Variants in KCND1 observed in about 807,000 individuals in gnomAD.
The protein encoded by KCND1 is potassium voltage-gated channel subfamily D member 1.
In KCND1, 11 loss-of-function variants were observed where a neutral mutation model predicts 31.8. That is an observed-to-expected ratio of 0.35 (90% CI 0.22 to 0.57). KCND1 has a LOEUF of 0.57. KCND1 is among the 20% of genes least tolerant of loss of function. The pLI is 0.85. For missense variants in KCND1, 471 were observed against 596.8 expected (o/e 0.79, Z 2.20); for synonymous variants, 234 against 248.1 (o/e 0.94, Z 0.53).
At position 48,962,449 on chromosome X, in the gene KCND1, T is replaced by C. The variant is rs1557057221; in HGVS notation, c.*132A>G. On this transcript the variant is annotated 3_prime_UTR_variant, in exon 6 of 6. Transcript: ENST00000218176. ...CACTATGTGGACCATTTCATGAAAC[T>C]CCATTGCATAGTTCTCAGTGGGGGG... 1.7e-5 allele frequency: 8 copies of C among 459,760 alleles called. No individual in the cohort carries two copies. The South Asian group carries it at 2.6e-4, about 15-fold the overall frequency. 37.9% of individuals were successfully genotyped at this position (459,760 alleles called of 1,213,427 possible). A position where few individuals can be genotyped will look rare whatever the true frequency, so the allele number is the denominator to read the frequency against.
Position 48,961,421 on chromosome X carries a change from T to C in KCND1, c.*1160A>G, listed in dbSNP as rs1275722733. 1 of 112,301 alleles carries C rather than the reference T, an allele frequency of 8.9e-6. No homozygotes were observed. The highest frequency in any genetic ancestry group is 3.2e-5 in the African/African-American group (1 of 30,902). The allele number at this position is 112,301 out of a possible 1,213,427, so 9.3% of individuals were successfully genotyped here. A position where few individuals can be genotyped will look rare whatever the true frequency, so the allele number is the denominator to read the frequency against. On this transcript the variant is annotated 3_prime_UTR_variant, in exon 6 of 6. Coordinates refer to ENST00000218176, the MANE Select transcript of KCND1 (RefSeq NM_004979.6). ...GTTTTATTGACTGATGGAAACTACA[T>C]CTTTGTCAGCCACCAGCTCCATGGG...
chrX:48,964,451 G>C (rs1272680779), intron 5 of KCND1, among the ~76,000 whole-genome samples: 1 of 111,047 alleles, frequency 9.0e-6, no homozygotes, highest in Non-Finnish European at 1.9e-5. Context: ...GGGAGGCGGA[G>C]GTTCCAGTGA....
Position 48,962,315 on chromosome X carries a change from A to C in KCND1, c.*266T>G, listed in dbSNP as rs1418078400. ...CAGCTGGGAGAGTGGGGCCAGTCCC[A>C]GTGTGCTAGGGCAAGGAGGCCAGGG... is the stretch of plus-strand genomic sequence containing the variant. On this transcript the variant is annotated 3_prime_UTR_variant, in exon 6 of 6. Coordinates refer to ENST00000218176, the MANE Select transcript of KCND1 (RefSeq NM_004979.6). 5 of 328,644 alleles carry C rather than the reference A, an allele frequency of 1.5e-5. No individual in the cohort carries two copies. Among genetic ancestry groups the C allele is most frequent in the Non-Finnish European group, 2.7e-5 (5 of 187,959 alleles). The allele number at this position is 328,644 out of a possible 1,213,427, so 27.1% of individuals were successfully genotyped here. A position where few individuals can be genotyped will look rare whatever the true frequency, so the allele number is the denominator to read the frequency against.
rs2064324225 is a variant in KCND1 at position 48,962,236 on chromosome X, G to A, written c.*345C>T. The A allele has an allele frequency of 4.9e-6, 1 of 203,567 alleles. No homozygotes were observed. The highest frequency in any genetic ancestry group is 9.0e-6 in the Non-Finnish European group (1 of 110,805). The allele number at this position is 203,567 out of a possible 1,213,427, so 16.8% of individuals were successfully genotyped here. A position where few individuals can be genotyped will look rare whatever the true frequency, so the allele number is the denominator to read the frequency against. On this transcript the variant is annotated 3_prime_UTR_variant, in exon 6 of 6. Transcript: ENST00000218176. ...CTTCTTAGGCTAGAGCTCAGATGTC[G>A]GATCAAAGCTTTGCCTTCATCTGAG...
intron 1 of KCND1, 123 bp from the exon 2 acceptor site, chrX:48,967,229 T>G: frequency 1.8e-6 from 1 of 570,727 alleles, no homozygotes. Context: ...ACCTTCTGAG[T>G]CCCTCAGTTT....
rs1308699921 is a variant in KCND1, at chrX:48,971,447, G to C, written c.-1176C>G. 1.8e-5 allele frequency: 2 copies of C among 111,775 alleles called. No individual in the cohort carries two copies. The highest frequency in any genetic ancestry group is 3.3e-5 in the African/African-American group (1 of 30,581). The allele number at this position is 111,775 out of a possible 1,213,427, so 9.2% of individuals were successfully genotyped here. A position where few individuals can be genotyped will look rare whatever the true frequency, so the allele number is the denominator to read the frequency against. ...GGGAGAAGGCTGGGTCCCACCGTTG[G>C]GGGCAGGTCTGGGGAAACCACACCC... On this transcript the variant is annotated 5_prime_UTR_variant, in exon 1 of 6. Coordinates refer to ENST00000218176, the MANE Select transcript of KCND1 (RefSeq NM_004979.6).
Position 48,969,760 on chromosome X carries a change from C to T in KCND1, c.512G>A (p.Arg171Gln), listed in dbSNP as rs889056727. ...ALPAGSSLRQ[R>Q]LWRAFENPHT... Reference sequence around the variant, plus strand: ...TGGATTCTCGAAGGCCCGCCAGAGCCGCTGCCGCAGGGAGCTGCCTGCTGG... The same window carrying T: ...TGGATTCTCGAAGGCCCGCCAGAGCTGCTGCCGCAGGGAGCTGCCTGCTGG... The change falls in exon 1 of 6, where the codon CGG (arginine) becomes CAG (glutamine). Residue 171 changes from arginine (R) to glutamine (Q), a missense_variant. Arg to Gln is a conservative substitution (Grantham distance 43). Around this residue, in one of 3 missense-constraint regions of KCND1, gnomAD observed 212 missense variants for 257.9 expected, o/e 0.82. Coordinates refer to ENST00000218176, the MANE Select transcript of KCND1 (RefSeq NM_004979.6). 3.1e-5 allele frequency: 37 copies of T among 1,206,939 alleles called. No homozygotes were observed. Among genetic ancestry groups the T allele is most frequent in the Non-Finnish European group, 3.6e-5 (32 of 893,940 alleles).
In KCND1 at chrX:48,970,569, G is replaced by C. The variant is rs2238977; in HGVS notation, c.-298C>G. On this transcript the variant is annotated 5_prime_UTR_variant, in exon 1 of 6. Transcript: ENST00000218176. ...GGATGGGGCCAAGAAGGAGCTGAGG[G>C]AGGGTTTAGAGAGACTGAGATGATT... 99,990 of 282,678 alleles carry C rather than the reference G, an allele frequency of 0.35. 14,379 individuals carry two copies. The highest frequency in any genetic ancestry group is 0.62 in the East Asian group (9,800 of 15,866). 23.3% of individuals were successfully genotyped at this position (282,678 alleles called of 1,213,427 possible). A position where few individuals can be genotyped will look rare whatever the true frequency, so the allele number is the denominator to read the frequency against.
At chrX:48,962,879 G>A in intron 5 of KCND1, 73 bp from the exon 6 acceptor site, 2 of 896,951 alleles carry the variant, frequency 2.2e-6, no homozygotes, top group Non-Finnish European at 3.2e-6. Flanking sequence ...GCTCATGCCT[G>A]TAATCCCAGC....
In KCND1 at chrX:48,969,934, G is replaced by A; in HGVS notation, c.338C>T (p.Ala113Val). Residue 113 changes from alanine (A) to valine (V), a missense_variant, in exon 1 of 6, where the codon GCC (alanine) becomes GTC (valine). Ala to Val is a moderately conservative substitution (Grantham distance 64). Around this residue, in one of 3 missense-constraint regions of KCND1, gnomAD observed 212 missense variants for 257.9 expected, o/e 0.82. Coordinates refer to ENST00000218176, the MANE Select transcript of KCND1 (RefSeq NM_004979.6). The stretch of plus-strand genomic sequence containing the variant: ...GTAGAAAGCCAGCTCTTCGTCGAAG[G>A]CCTGGATGCACTCCTGCCGTGGGCA... ...LHCPRQECIQ[A>V]FDEELAFYGL... The A allele has an allele frequency of 8.3e-7, 1 of 1,211,044 alleles. No individual in the cohort carries two copies. The highest frequency in any genetic ancestry group is 1.1e-6 in the Non-Finnish European group (1 of 895,008).
At position 48,966,538 on chromosome X, in the gene KCND1, C is replaced by T. The variant is rs1693565244; in HGVS notation, c.1467+40G>A. ...GAGAGCTGGCATGGCCGCAGAGGGA[C>T]CCCCTCTATTCTGCTATATCACCTC... On this transcript the variant is annotated intron_variant, in intron 4 of 5. Coordinates refer to ENST00000218176, the MANE Select transcript of KCND1 (RefSeq NM_004979.6). 7 of 1,125,922 alleles carry T rather than the reference C, an allele frequency of 6.2e-6. No individual in the cohort carries two copies. The South Asian group carries it at 1.1e-4, about 18-fold the overall frequency. The allele number at this position is 1,125,922 out of a possible 1,213,427, so 92.8% of individuals were successfully genotyped here.
At position 48,969,202 on chromosome X, in the gene KCND1, G is replaced by A. The variant is rs1569518632; in HGVS notation, c.1070C>T (p.Thr357Ile). 8.3e-7 allele frequency: 1 copy of A among 1,210,564 alleles called. No homozygotes were observed. The highest frequency in any genetic ancestry group is 1.7e-5 in the African/African-American group (1 of 57,776). The change falls in exon 1 of 6, where the codon ACA (threonine) becomes ATA (isoleucine). Residue 357 changes from threonine to isoleucine, a missense_variant. Thr to Ile is a moderately conservative substitution (Grantham distance 89). This residue lies in a region of KCND1 where 74 missense variants were observed against 154.2 expected (regional missense o/e 0.48). Coordinates refer to ENST00000218176, the MANE Select transcript of KCND1 (RefSeq NM_004979.6). The part of the protein sequence containing the change: ...AEKGTNKTNF[T>I]SIPAAFWYTI... ...ATACCAGAAGGCCGCAGGGATGCTT[G>A]TAAAGTTGGTCTTGTTTGTGCCCTT...
rs782507180 is a variant in KCND1 at position 48,966,198 on chromosome X, G to C, written c.1575C>G (p.Pro525=). The stretch of plus-strand genomic sequence containing the variant: ...GGCAGCAAGAAGACAGCAGGCTTCC[G>C]GGTCCCACTGGCTGGGAAGACACAG... ...STSVSSQPVG[P]GSLLSSCCPR... Residue 525 remains proline (P), a synonymous_variant, in exon 5 of 6, where the codon CCC becomes CCG. Transcript: ENST00000218176. 1.2e-5 allele frequency: 14 copies of C among 1,208,394 alleles called. No individual in the cohort carries two copies. The highest frequency in any genetic ancestry group is 1.8e-5 in the South Asian group (1 of 56,325).
At position 48,966,333 on chromosome X, in the gene KCND1, G is replaced by A. The variant is rs1264308679; in HGVS notation, c.1468-28C>T. ...ATGGGCAGAAGGGAGGCAGGGTCAC[G>A]GGGCATCCCATGGGAGCTGATCCCA... On this transcript the variant is annotated intron_variant, in intron 4 of 5. Transcript: ENST00000218176. 6.0e-6 allele frequency: 7 copies of A among 1,166,345 alleles called. No individual in the cohort carries two copies. The Admixed American group carries it at 7.8e-5, about 13-fold the overall frequency.
Position 48,967,485 on chromosome X carries a change from T to C in KCND1, c.1122-379A>G, listed in dbSNP as rs1158911560. 1.9e-4 allele frequency: 33 copies of C among 175,979 alleles called. 1 individual carries two copies. The Admixed American group carries it at 2.3e-3, about 12-fold the overall frequency. The allele number at this position is 175,979 out of a possible 1,213,427, so 14.5% of individuals were successfully genotyped here. A position where few individuals can be genotyped will look rare whatever the true frequency, so the allele number is the denominator to read the frequency against. On this transcript the variant is annotated intron_variant, in intron 1 of 5. Transcript: ENST00000218176. ...GGAGGAGTGTTTTGTTGGTTTTGGC[T>C]GCCTCTGTCTTACCTGCTCTAGGTA...
chrX:48,964,541 A>C (rs181242542), intron 5 of KCND1, among the ~76,000 whole-genome samples: 83 of 107,940 alleles, frequency 7.7e-4, no homozygotes, highest in Non-Finnish European at 1.3e-3. Context: ...AATAAAAATA[A>C]ACATAAAAAA....
At chrX:48,968,922 C>T (rs1344433997) in intron 1 of KCND1, among the ~76,000 whole-genome samples, 2 of 111,734 alleles carry the variant, frequency 1.8e-5, no homozygotes, top group Non-Finnish European at 3.8e-5. Flanking sequence ...GGCATGGTGG[C>T]GTGTACCTGT....
chrX:48,962,842 A>G, intron 5 of KCND1, 36 bp from the exon 6 acceptor site: 2 of 1,141,793 alleles, frequency 1.8e-6, no homozygotes, highest in South Asian at 3.7e-5. Context: ...AAGGCTCTTA[A>G]AAAGTTATCT....
intron 5 of KCND1, among the ~76,000 whole-genome samples, chrX:48,964,843 G>A (rs868978582): frequency 9.6e-6 from 1 of 104,479 alleles, no homozygotes; most frequent in Non-Finnish European, 2.0e-5. Flanking sequence ...CCAACATGGT[G>A]AAACCCCGTC....
Sources: gnomAD v4.1 joint callset for allele counts (sites outside exome capture counted in the v4.1 genomes callset) on GRCh38, gnomAD v4.1.1 for gene constraint, gnomAD v4.1.1 regional missense constraint, MANE v1.5 for transcripts, NCBI Gene and HGNC (gene_info 2026-07-23, HGNC 2026-07-21) for gene names.